The following LRRC37A2 variants were observed in gnomAD, a reference collection of about 807,000 sequenced individuals.
LRRC37A2 encodes the protein leucine-rich repeat-containing protein 37A2.
LRRC37A2 carries 9 observed loss-of-function variants against 68.8 expected under a neutral mutation model. The ratio of observed to expected loss-of-function variants is 0.13; its 90% CI spans 0.08 to 0.23. LRRC37A2 has a LOEUF of 0.23. Ranked by LOEUF, LRRC37A2 falls within the 10% of genes least tolerant of loss-of-function variation. The probability of loss-of-function intolerance (pLI) is 1.00; values close to 1 mark genes in which losing one functional copy is unlikely to be tolerated. For synonymous variants in LRRC37A2, 63 were observed against 367.6 expected, an observed-to-expected ratio of 0.17 and a Z score of 9.48; for missense variants, 168 against 950.4, an observed-to-expected ratio of 0.18 and a Z score of 10.82.
At chr17:46,825,981 C>T in the LRRC37A2 span, among the ~76,000 whole-genome samples, 1 of 152,250 alleles carries the variant, frequency 6.6e-6, no homozygotes, top group Non-Finnish European at 1.5e-5. Context: ...CAAGACCGTG[C>T]CACTGCACTC....
the LRRC37A2 span, among the ~76,000 whole-genome samples, chr17:46,927,151 G>T: frequency 6.6e-6 from 1 of 152,070 alleles, no homozygotes; most frequent in Non-Finnish European, 1.5e-5. Context: ...CTAGTTGAGT[G>T]TCATTTTGTA....
At chr17:46,969,605 G>A in the LRRC37A2 span, among the ~76,000 whole-genome samples, 2 of 152,220 alleles carry the variant, frequency 1.3e-5, no homozygotes, top group Non-Finnish European at 2.9e-5. Flanking sequence ...CAGAAGCTCT[G>A]ATGAGCAGGT....
the LRRC37A2 span, among the ~76,000 whole-genome samples, chr17:46,954,153 G>A: frequency 6.6e-6 from 1 of 152,174 alleles, no homozygotes; most frequent in Non-Finnish European, 1.5e-5. Flanking sequence ...TTCTTCTAGG[G>A]TTTTTATGGT....
chr17:47,008,465 T>TA, the LRRC37A2 span, among the ~76,000 whole-genome samples: 1 of 148,262 alleles, frequency 6.7e-6, no homozygotes, highest in South Asian at 2.1e-4. Flanking sequence ...AGATACTTAT[T>TA]TTTTTTTTTT....
At chr17:46,978,840 C>T in the LRRC37A2 span, 3 of 1,600,954 alleles carry the variant, frequency 1.9e-6, no homozygotes, top group African/African-American at 1.4e-5. Flanking sequence ...GCTCGTCGGG[C>T]GCCAGCCCCG....
At chr17:46,598,595 G>A in the LRRC37A2 span, among the ~76,000 whole-genome samples, 1 of 152,084 alleles carries the variant, frequency 6.6e-6, no homozygotes, top group East Asian at 1.9e-4. Flanking sequence ...TTGCTTAGGA[G>A]TTGAAAGGGG....
At chr17:46,982,296 G>C in the LRRC37A2 span, among the ~76,000 whole-genome samples, 8 of 152,136 alleles carry the variant, frequency 5.3e-5, no homozygotes, top group Non-Finnish European at 1.2e-4. Context: ...GCTATACCCT[G>C]GACTTGGAGT....
the LRRC37A2 span, among the ~76,000 whole-genome samples, chr17:46,992,198 C>CTAAATAAATAAATAAATAAA: frequency 4.0e-3 from 569 of 143,856 alleles, 6 homozygotes; most frequent in African/African-American, 5.3e-3. Flanking sequence ...CCCATCTCTA[C>CTAAATAAATAAATAAATAAA]TAAATAAATA....
At chr17:46,844,757 A>G in the LRRC37A2 span, among the ~76,000 whole-genome samples, 247 of 152,292 alleles carry the variant, frequency 1.6e-3, no homozygotes, top group Non-Finnish European at 2.7e-3. Context: ...AAATTATGGC[A>G]TATTTTTAAA....
chr17:47,000,106 T>TAA, the LRRC37A2 span, among the ~76,000 whole-genome samples: 6 of 133,906 alleles, frequency 4.5e-5, no homozygotes, highest in African/African-American at 1.6e-4. Flanking sequence ...TAAAATAAAA[T>TAA]AAAATAAAAT....
At chr17:46,915,644 G>A in the LRRC37A2 span, among the ~76,000 whole-genome samples, 2 of 152,226 alleles carry the variant, frequency 1.3e-5, no homozygotes, top group Admixed American at 6.5e-5. Context: ...ACTTTTGAGT[G>A]CTCTTCTTGA....
chr17:46,907,551 T>C, the LRRC37A2 span, among the ~76,000 whole-genome samples: 3 of 138,968 alleles, frequency 2.2e-5, no homozygotes, highest in South Asian at 6.8e-4. Flanking sequence ...CTCCCTTAAC[T>C]TTTTTTTTTT....
chr17:46,799,066 A>AAAAAT, the LRRC37A2 span, among the ~76,000 whole-genome samples: 1 of 151,488 alleles, frequency 6.6e-6, no homozygotes, highest in East Asian at 1.9e-4. Context: ...AAAAAAAAAA[A>AAAAAT]ATCCCTGATA....
the LRRC37A2 span, among the ~76,000 whole-genome samples, chr17:46,804,144 G>A: frequency 6.6e-6 from 1 of 151,984 alleles, no homozygotes; most frequent in Non-Finnish European, 1.5e-5. Flanking sequence ...CTGGAGTGCA[G>A]TGGTGTGATC....
the LRRC37A2 span, among the ~76,000 whole-genome samples, chr17:46,912,393 G>A: frequency 2.0e-5 from 3 of 152,222 alleles, no homozygotes; most frequent in Non-Finnish European, 4.4e-5. Context: ...CCAGCTCCCC[G>A]ATGACCTGGG....
At chr17:47,029,698 A>T in the LRRC37A2 span, among the ~76,000 whole-genome samples, 4 of 152,300 alleles carry the variant, frequency 2.6e-5, no homozygotes, top group East Asian at 7.7e-4. Context: ...CTCCACGAAG[A>T]GGTTTAGGTA....
chr17:46,761,876 C>T, the LRRC37A2 span, among the ~76,000 whole-genome samples: 2 of 152,142 alleles, frequency 1.3e-5, no homozygotes, highest in African/African-American at 2.4e-5. Flanking sequence ...TGTGAAGTGG[C>T]GATCTGAGAG....
chr17:46,768,203 C>T, the LRRC37A2 span: 1 of 1,517,176 alleles, frequency 6.6e-7, no homozygotes, highest in South Asian at 1.2e-5. The surrounding 1 kb of genome is among the most constrained non-coding windows in gnomAD (Gnocchi z 5.0). Context: ...ACTTGTGTGT[C>T]TTGGATAGCT....
At chr17:46,927,618 G>C in the LRRC37A2 span, among the ~76,000 whole-genome samples, 3 of 152,178 alleles carry the variant, frequency 2.0e-5, no homozygotes, top group Non-Finnish European at 4.4e-5. Flanking sequence ...GGAGCTGTTG[G>C]CATTTATTGT....
Sources: gnomAD v4.1 joint callset for allele counts (sites outside exome capture counted in the v4.1 genomes callset) on GRCh38, gnomAD v4.1.1 for gene constraint, Gnocchi (gnomAD v3.1) non-coding constraint, MANE v1.5 for transcripts, NCBI Gene and HGNC (gene_info 2026-07-23, HGNC 2026-07-21) for gene names.